SP140L: variants seen among roughly 807,000 people sequenced by gnomAD.
SP140L encodes the protein nuclear body protein SP140-like protein.
In SP140L, 64 loss-of-function variants were observed where a neutral mutation model predicts 84.3. The ratio of observed to expected loss-of-function variants is 0.76; its 90% confidence interval spans 0.62 to 0.94. The LOEUF (loss-of-function observed/expected upper bound fraction) is 0.94. Among genes scored for constraint, SP140L ranks in the 40% least tolerant of loss-of-function variants. The pLI, the probability that SP140L is intolerant of heterozygous loss-of-function variation, is 0.00. For synonymous variants in SP140L, 242 were observed against 236.9 expected, an observed-to-expected ratio of 1.02 and a Z score of -0.20; for missense variants, 628 against 692.5, an observed-to-expected ratio of 0.91 and a Z score of 1.05.
chr2:230,328,647 TGCACA>T, intron 1 of SP140L, 105 bp from the exon 2 acceptor site: 4 of 1,349,454 alleles, frequency 3.0e-6, no homozygotes, highest in Admixed American at 6.0e-5. Context: ...CTCTTTTTTT[TGCACA>T]TATGCAAGTA....
Position 230,359,021 on chromosome 2 carries a change from C to G in SP140L, c.328C>G (p.Leu110Val). The change falls in exon 4 of 19, where the codon CTC becomes GTC. Residue 110 changes from leucine to valine, a missense_variant. This residue lies in a region of SP140L where 525 missense variants were observed against 518.4 expected (regional missense o/e 1.01). Coordinates refer to ENST00000415673, the MANE Select transcript of SP140L (RefSeq NM_138402.6). Reference protein sequence around the residue: ...VPVQRVVYNVLSELEKTFNLS... With the variant: ...VPVQRVVYNVVSELEKTFNLS... ...TGTACAAAGAGTGGTGTACAATGTTCTCAGTGAACTGGAGAAGACATTTAA... is the reference window on the plus strand; with the variant it reads ...TGTACAAAGAGTGGTGTACAATGTTGTCAGTGAACTGGAGAAGACATTTAA... 6.2e-7 allele frequency: 1 copy of G among 1,613,562 alleles called. No homozygotes were observed. The highest frequency in any genetic ancestry group is 8.5e-7 in the Non-Finnish European group (1 of 1,179,762).
At chr2:230,376,606 G>A (rs915369317) in intron 7 of SP140L, among the ~76,000 whole-genome samples, 2 of 152,148 alleles carry the variant, frequency 1.3e-5, no homozygotes, top group Non-Finnish European at 2.9e-5. Flanking sequence ...GACATATCCT[G>A]TTCATAAACT....
chr2:230,382,988 G>T (rs1403913548), intron 7 of SP140L, among the ~76,000 whole-genome samples: 1 of 152,206 alleles, frequency 6.6e-6, no homozygotes, highest in African/African-American at 2.4e-5. Flanking sequence ...CTGCTCTGCA[G>T]CCTGAAGGAG....
At chr2:230,381,432 T>C (rs1253635574) in intron 7 of SP140L, among the ~76,000 whole-genome samples, 1 of 152,182 alleles carries the variant, frequency 6.6e-6, no homozygotes, top group Non-Finnish European at 1.5e-5. Flanking sequence ...CCATGGAGAA[T>C]AGCTTCTCAA....
At chr2:230,329,265 C>G (rs2059662440) in intron 2 of SP140L, among the ~76,000 whole-genome samples, 1 of 152,206 alleles carries the variant, frequency 6.6e-6, no homozygotes, top group East Asian at 1.9e-4. Context: ...AGTTCCTTCT[C>G]TAAAATCTCT....
chr2:230,373,908 C>T (rs2061164448), intron 7 of SP140L, among the ~76,000 whole-genome samples: 1 of 152,166 alleles, frequency 6.6e-6, no homozygotes, highest in Non-Finnish European at 1.5e-5. Context: ...GTCAAAATAT[C>T]AACATTAGCA....
chr2:230,382,472 G>A (rs2061441813), intron 7 of SP140L, among the ~76,000 whole-genome samples: 1 of 152,140 alleles, frequency 6.6e-6, no homozygotes, highest in Non-Finnish European at 1.5e-5. Flanking sequence ...AAATCTGTCT[G>A]TACCATTCTG....
chr2:230,382,377 A>G (rs2061439739), intron 7 of SP140L, among the ~76,000 whole-genome samples: 1 of 152,002 alleles, frequency 6.6e-6, no homozygotes, highest in African/African-American at 2.4e-5. Context: ...GATATCACCA[A>G]TGCTCCTGCT....
intron 2 of SP140L, among the ~76,000 whole-genome samples, chr2:230,334,542 G>A (rs879815398): frequency 2.6e-5 from 4 of 152,298 alleles, no homozygotes; most frequent in East Asian, 1.9e-4. Context: ...TAACACCTAC[G>A]TGGTCATGTC....
At chr2:230,379,444 C>A (rs1197212896) in intron 7 of SP140L, among the ~76,000 whole-genome samples, 1 of 152,124 alleles carries the variant, frequency 6.6e-6, no homozygotes, top group African/African-American at 2.4e-5. Flanking sequence ...GGTTTCACTA[C>A]AAATTGAATA....
At chr2:230,379,946 T>C (rs569235890) in intron 7 of SP140L, among the ~76,000 whole-genome samples, 3 of 152,326 alleles carry the variant, frequency 2.0e-5, no homozygotes, top group African/African-American at 7.2e-5. Flanking sequence ...TAAACATCAA[T>C]ATACTTTCAC....
chr2:230,396,998 A>T (rs1173888362), intron 14 of SP140L, among the ~76,000 whole-genome samples, 200 bp downstream of exon 14: 1 of 152,200 alleles, frequency 6.6e-6, no homozygotes, highest in Non-Finnish European at 1.5e-5. Flanking sequence ...CACTCTTTCC[A>T]TCTGTTTCAG....
At chr2:230,368,263 G>GT (rs980641445) in intron 5 of SP140L, among the ~76,000 whole-genome samples, 1 of 152,108 alleles carries the variant, frequency 6.6e-6, no homozygotes, top group African/African-American at 2.4e-5. Context: ...TTGGTGGGCA[G>GT]TTTTTTTCTT....
chr2:230,337,246 G>A (rs1450819658), intron 2 of SP140L, among the ~76,000 whole-genome samples: 1 of 152,022 alleles, frequency 6.6e-6, no homozygotes, highest in African/African-American at 2.4e-5. Context: ...GATGGCCAGT[G>A]ATGATGAGCA....
At position 230,389,491 on chromosome 2, in the gene SP140L, T is replaced by C. The variant is rs540042914; in HGVS notation, c.860-428T>C. 4.6e-5 allele frequency among the ~76,000 whole-genome samples: 7 copies of C among 152,208 alleles called. No individual in the cohort carries two copies. In the East Asian group the frequency reaches 1.2e-3, roughly 25 times the overall value. On this transcript the variant is annotated intron_variant, in intron 10 of 18. Coordinates refer to ENST00000415673, the MANE Select transcript of SP140L (RefSeq NM_138402.6). ...ATTAGGTTATCTCATCATTAGCCTC[T>C]CCCTCCTTGACCAGTCAGTGCCCAA...
chr2:230,356,723 T>C (rs1017880788), intron 2 of SP140L, among the ~76,000 whole-genome samples: 1 of 152,220 alleles, frequency 6.6e-6, no homozygotes, highest in Non-Finnish European at 1.5e-5. Flanking sequence ...GCACCACGAT[T>C]GCTTTCCTAA....
chr2:230,344,517 C>T (rs1333819653), intron 2 of SP140L, among the ~76,000 whole-genome samples: 1 of 152,150 alleles, frequency 6.6e-6, no homozygotes, highest in Non-Finnish European at 1.5e-5. Flanking sequence ...AGCCCATTTA[C>T]ATTTGAGGTT....
intron 2 of SP140L, among the ~76,000 whole-genome samples, chr2:230,329,207 G>A (rs1472878541): frequency 2.0e-5 from 3 of 152,158 alleles, no homozygotes; most frequent in African/African-American, 4.8e-5. Context: ...TTTTAAAGTC[G>A]TTCTTCTGTT....
chr2:230,349,912 G>A (rs1230415069), intron 2 of SP140L, among the ~76,000 whole-genome samples: 1 of 152,172 alleles, frequency 6.6e-6, no homozygotes, highest in Non-Finnish European at 1.5e-5. Context: ...GGATGGCTGA[G>A]GCAGGAGAAT....
Sources: gnomAD v4.1 joint callset for allele counts (sites outside exome capture counted in the v4.1 genomes callset) on GRCh38, gnomAD v4.1.1 for gene constraint, gnomAD v4.1.1 regional missense constraint, MANE v1.5 for transcripts, NCBI Gene and HGNC (gene_info 2026-07-23, HGNC 2026-07-21) for gene names.